STAB1: variants seen among roughly 807,000 people sequenced by gnomAD.
STAB1 encodes stabilin 1.
Under a neutral mutation model 332.4 loss-of-function variants are expected in STAB1, and 250 were observed. The observed-to-expected ratio is 0.75, with a 90% CI of 0.68 to 0.84. The LOEUF (loss-of-function observed/expected upper bound fraction) is 0.84. Among genes scored for constraint, STAB1 ranks in the 40% least tolerant of loss-of-function variants. STAB1 has a pLI of 0.00. For synonymous variants in STAB1, 1,475 were observed against 1,390.4 expected, an observed-to-expected ratio of 1.06 and a Z score of -1.35; for missense variants, 3,249 against 3,489.7, an observed-to-expected ratio of 0.93 and a Z score of 1.74.
At chr3:52,523,819 A>G in intron 66 of STAB1, 52 bp from the exon 67 acceptor site, 1 of 1,583,390 alleles carries the variant, frequency 6.3e-7, no homozygotes, top group South Asian at 1.1e-5. Flanking sequence ...GAGCCCGGGG[A>G]AGGTGGTGGG....
Position 52,516,237 on chromosome 3 carries a change from A to AGGTGAGGACTGGGGAGGGGCGGG in STAB1, c.4144+4_4144+26dup. 1 of 1,066,696 alleles carries AGGTGAGGACTGGGGAGGGGCGGG rather than the reference A, an allele frequency of 9.4e-7. No homozygotes were observed. Among genetic ancestry groups the AGGTGAGGACTGGGGAGGGGCGGG allele is most frequent in the African/African-American group, 1.6e-5 (1 of 62,310 alleles). 66.1% of individuals were successfully genotyped at this position (1,066,696 alleles called of 1,614,324 possible). A position where few individuals can be genotyped will look rare whatever the true frequency, so the allele number is the denominator to read the frequency against. The stretch of plus-strand genomic sequence containing the variant: ...GCCGCTACGGGCCCAACTGCACCGG[A>AGGTGAGGACTGGGGAGGGGCGGG]GGTGAGGACTGGGGAGGGGCGGGGG... On this transcript the variant is annotated frameshift_variant and splice_region_variant, in exon 38 of 69. Coordinates refer to ENST00000321725, the MANE Select transcript of STAB1 (RefSeq NM_015136.3). LOFTEE classifies it high-confidence loss of function.
Position 52,523,980 on chromosome 3 carries a change from G to A in STAB1, c.7505G>A (p.Arg2502Gln), listed in dbSNP as rs775440883. ...LVAGALYLRA[R>Q]GKPMGFGFSA... ...GCCGGAGCTCTCTACCTCCGTGCCCGAGGCAAGCCCATGGGCTTTGGCTTC... is the reference window on the plus strand; with the variant it reads ...GCCGGAGCTCTCTACCTCCGTGCCCAAGGCAAGCCCATGGGCTTTGGCTTC... The change falls in exon 67 of 69, where the codon CGA becomes CAA. Residue 2502 changes from arginine to glutamine, a missense_variant. Arg to Gln is a conservative substitution (Grantham distance 43). Transcript: ENST00000321725. 10 of 1,611,918 alleles carry A rather than the reference G, an allele frequency of 6.2e-6. No homozygotes were observed. In the Admixed American group the frequency reaches 1.0e-4, roughly 16 times the overall value.
At chr3:52,512,189 C>T (rs534536312) in intron 26 of STAB1, 152 bp from the exon 27 acceptor site, 17 of 769,902 alleles carry the variant, frequency 2.2e-5, no homozygotes, top group African/African-American at 1.9e-4. Context: ...GGGCTAGGCA[C>T]ACCGAAGGAG....
intron 1 of STAB1, among the ~76,000 whole-genome samples, chr3:52,500,009 A>G (rs900725689): frequency 2.0e-5 from 3 of 150,550 alleles, no homozygotes; most frequent in Non-Finnish European, 4.4e-5. Context: ...GGAGTTCAAG[A>G]TTACAGTGAG....
chr3:52,523,164 G>T (rs371211392), intron 63 of STAB1, 30 bp downstream of exon 63: 2 of 1,610,776 alleles, frequency 1.2e-6, no homozygotes, highest in Non-Finnish European at 1.7e-6. Flanking sequence ...GGGGGCGGGG[G>T]GTGCTGGGAT....
In STAB1 at chr3:52,517,603, G is replaced by A; in HGVS notation, c.4617G>A (p.Glu1539=). The part of the protein sequence containing the change: ...GYSGDGIRTC[E]LLDPCSKNNG... ...GCGGGGATGGCATCCGGACCTGCGA[G>A]CTCCTGGACCCCTGCTCTAAGGTCA... The change falls in exon 44 of 69, where the codon GAG becomes GAA. Residue 1539 remains glutamate, a synonymous_variant. Coordinates refer to ENST00000321725, the MANE Select transcript of STAB1 (RefSeq NM_015136.3). 6.2e-7 allele frequency: 1 copy of A among 1,612,846 alleles called. No individual in the cohort carries two copies. Among genetic ancestry groups the A allele is most frequent in the East Asian group, 2.2e-5 (1 of 44,862 alleles).
chr3:52,501,363 G>A (rs967082808), intron 2 of STAB1, 61 bp downstream of exon 2: 5 of 1,586,928 alleles, frequency 3.2e-6, no homozygotes, highest in South Asian at 2.2e-5. Flanking sequence ...GCAGGGACTC[G>A]GGGAGCCTGA....
chr3:52,520,452 C>T lies in STAB1; in HGVS notation c.5552C>T (p.Pro1851Leu). The change falls in exon 53 of 69, where the codon CCC becomes CTC. Residue 1851 changes from proline to leucine, a missense_variant. Coordinates refer to ENST00000321725, the MANE Select transcript of STAB1 (RefSeq NM_015136.3). ...DDARIVQRHLPFEGGLAYGID... is the reference protein window; with the variant it reads ...DDARIVQRHLLFEGGLAYGID... ...GCTCGCATTGTGCAGCGGCACTTGC[C>T]CTTTGAGGGTGGCCTGGCCTATGGC... 1 of 1,612,744 alleles carries T rather than the reference C, an allele frequency of 6.2e-7. No individual in the cohort carries two copies. Among genetic ancestry groups the T allele is most frequent in the Non-Finnish European group, 8.5e-7 (1 of 1,179,878 alleles).
At position 52,524,480 on chromosome 3, in the gene STAB1, T is replaced by C. The variant is rs769303023; in HGVS notation, c.*124T>C. On this transcript the variant is annotated 3_prime_UTR_variant, in exon 69 of 69. Coordinates refer to ENST00000321725, the MANE Select transcript of STAB1 (RefSeq NM_015136.3). Reference sequence around the variant, plus strand: ...ACAATAAAGGTGCCCTCAGCGGATGTGGGCCATGTCACCAAGGAAGGGGGT... The same window carrying C: ...ACAATAAAGGTGCCCTCAGCGGATGCGGGCCATGTCACCAAGGAAGGGGGT... 1.9e-6 allele frequency: 3 copies of C among 1,612,838 alleles called. No homozygotes were observed. The East Asian group carries it at 6.7e-5, about 36-fold the overall frequency.
intron 1 of STAB1, among the ~76,000 whole-genome samples, chr3:52,497,210 T>C (rs1708095140): frequency 6.6e-6 from 1 of 151,880 alleles, no homozygotes; most frequent in Non-Finnish European, 1.5e-5. Flanking sequence ...GGCTGGTCTG[T>C]AACTCCTGAC....
At position 52,523,286 on chromosome 3, in the gene STAB1, A is replaced by G; in HGVS notation, c.7085A>G (p.Glu2362Gly). 6.2e-7 allele frequency: 1 copy of G among 1,612,990 alleles called. No individual in the cohort carries two copies. The highest frequency in any genetic ancestry group is 8.5e-7 in the Non-Finnish European group (1 of 1,180,000). Residue 2362 changes from glutamate (E) to glycine (G), a missense_variant, in exon 64 of 69, where the codon GAG becomes GGG. Coordinates refer to ENST00000321725, the MANE Select transcript of STAB1 (RefSeq NM_015136.3). Reference protein sequence around the residue: ...GLDFLDFLDDELTYKTLFVPV... With the variant: ...GLDFLDFLDDGLTYKTLFVPV... Reference sequence around the variant, plus strand: ...GACTTCCTGGACTTCCTGGATGATGAGCTCACGTATAAGACACTCTTCGTC... The same window carrying G: ...GACTTCCTGGACTTCCTGGATGATGGGCTCACGTATAAGACACTCTTCGTC...
chr3:52,500,304 A>G (rs953407273), intron 1 of STAB1, among the ~76,000 whole-genome samples: 2 of 152,168 alleles, frequency 1.3e-5, no homozygotes, highest in Admixed American at 1.3e-4. Context: ...TCAGGTCCCA[A>G]GTCAATGACC....
chr3:52,502,756 G>A, intron 6 of STAB1, 29 bp downstream of exon 6: 1 of 1,599,972 alleles, frequency 6.3e-7, no homozygotes, highest in Non-Finnish European at 8.5e-7. Context: ...ATAGCCTAGG[G>A]CAGCAGGTCC....
chr3:52,500,443 T>G (rs757849528), intron 1 of STAB1, among the ~76,000 whole-genome samples: 2 of 152,262 alleles, frequency 1.3e-5, no homozygotes, highest in Non-Finnish European at 2.9e-5. Context: ...TGCACACAGC[T>G]GCTCACGTGA....
At chr3:52,502,380 A>T (rs773953122) in intron 5 of STAB1, 152 bp downstream of exon 5, 1 of 954,926 alleles carries the variant, frequency 1.0e-6, no homozygotes, top group African/African-American at 1.6e-5. Context: ...GCTTTGTTTT[A>T]TCACACCTCC....
chr3:52,517,727 G>A, intron 44 of STAB1, 103 bp downstream of exon 44: 1 of 1,553,162 alleles, frequency 6.4e-7, no homozygotes, highest in South Asian at 1.2e-5. Flanking sequence ...GGCCTCTGCA[G>A]GGTGGGCTAT....
At chr3:52,517,182 A>G in intron 42 of STAB1, 73 bp downstream of exon 42, 6 of 1,507,640 alleles carry the variant, frequency 4.0e-6, no homozygotes, top group Non-Finnish European at 4.4e-6. Context: ...TCAGATTAGG[A>G]AGGGCTGAAG....
intron 20 of STAB1, 107 bp downstream of exon 20, chr3:52,508,133 G>T: frequency 4.4e-6 from 6 of 1,367,450 alleles, no homozygotes; most frequent in Non-Finnish European, 6.1e-6. Context: ...AGGATGCACT[G>T]CAGCCTGACG....
At chr3:52,496,564 G>A (rs151116575) in intron 1 of STAB1, among the ~76,000 whole-genome samples, 16 of 152,322 alleles carry the variant, frequency 1.1e-4, no homozygotes, top group African/African-American at 3.4e-4. Context: ...CCAGGGCTGG[G>A]GACAGGAAGA....
Sources: allele counts gnomAD v4.1 joint callset (sites outside exome capture counted in the v4.1 genomes callset), GRCh38; gene constraint gnomAD v4.1.1; transcripts MANE v1.5; gene names NCBI Gene and HGNC (gene_info 2026-07-23, HGNC 2026-07-21).